VWC2L: variants seen among roughly 807,000 people sequenced by gnomAD.
The protein encoded by VWC2L is von Willebrand factor C domain-containing protein 2-like.
In VWC2L, 10 loss-of-function variants were observed where a neutral mutation model predicts 21.6. The ratio of observed to expected loss-of-function variants is 0.46; its 90% confidence interval spans 0.29 to 0.78. The LOEUF (loss-of-function observed/expected upper bound fraction) is 0.78, where lower values mean the gene tolerates loss of function less well. Ranked by LOEUF, VWC2L falls within the 30% of genes least tolerant of loss-of-function variation. VWC2L has a pLI of 0.10. For synonymous variants in VWC2L, 96 were observed against 94.3 expected (o/e 1.02, Z -0.10); for missense variants, 209 against 277.1 (o/e 0.75, Z 1.74).
At chr2:214,569,700 A>T (rs1426271601) in intron 3 of VWC2L, among the ~76,000 whole-genome samples, 1 of 152,130 alleles carries the variant, frequency 6.6e-6, no homozygotes, top group African/African-American at 2.4e-5. Flanking sequence ...AGCCTTCTAC[A>T]GCCACTCAAT....
At chr2:214,545,294 G>A (rs933203690) in intron 3 of VWC2L, among the ~76,000 whole-genome samples, 2 of 152,106 alleles carry the variant, frequency 1.3e-5, no homozygotes, top group African/African-American at 4.8e-5. Context: ...CCATTTAAAA[G>A]CCACTGTTAT....
At chr2:214,428,686 T>C (rs918526653) in intron 2 of VWC2L, among the ~76,000 whole-genome samples, 1 of 152,052 alleles carries the variant, frequency 6.6e-6, no homozygotes, top group Non-Finnish European at 1.5e-5. Context: ...ATACCAGCAG[T>C]GATAAAGCAC....
chr2:214,471,402 G>A (rs1388469387), intron 3 of VWC2L, among the ~76,000 whole-genome samples: 1 of 152,212 alleles, frequency 6.6e-6, no homozygotes, highest in African/African-American at 2.4e-5. Flanking sequence ...TTTATGCACT[G>A]TAGAATGAGT....
chr2:214,546,729 G>T (rs1318640362), intron 3 of VWC2L, among the ~76,000 whole-genome samples: 1 of 152,010 alleles, frequency 6.6e-6, no homozygotes, highest in Non-Finnish European at 1.5e-5. Context: ...ATAGAAAATT[G>T]TTTTTAGCAA....
intron 2 of VWC2L, among the ~76,000 whole-genome samples, chr2:214,428,602 A>G (rs1389961373): frequency 6.6e-6 from 1 of 152,182 alleles, no homozygotes; most frequent in Non-Finnish European, 1.5e-5. Flanking sequence ...GAGATAAGCT[A>G]TGAACTAAGC....
intron 2 of VWC2L, 132 bp from the exon 3 acceptor site, chr2:214,436,497 G>A (rs1222764233): frequency 1.8e-5 from 21 of 1,176,678 alleles, no homozygotes; most frequent in South Asian, 6.4e-5. Flanking sequence ...GAGAATGATC[G>A]TAGACATGGT....
chr2:214,546,904 A>G (rs1206182609), intron 3 of VWC2L, among the ~76,000 whole-genome samples: 1 of 152,108 alleles, frequency 6.6e-6, no homozygotes, highest in East Asian at 1.9e-4. Flanking sequence ...TAAGGACAAA[A>G]CCTACTTTCA....
At chr2:214,495,770 C>G (rs1688803563) in intron 3 of VWC2L, among the ~76,000 whole-genome samples, 1 of 152,164 alleles carries the variant, frequency 6.6e-6, no homozygotes, top group Non-Finnish European at 1.5e-5. Context: ...AACTTTCACT[C>G]TCAAGCTGTA....
chr2:214,469,549 T>C (rs1016229059), intron 3 of VWC2L, among the ~76,000 whole-genome samples: 1 of 151,976 alleles, frequency 6.6e-6, no homozygotes, highest in Admixed American at 6.6e-5. Context: ...GAGCAGACAT[T>C]GTGCCACTGC....
At chr2:214,562,149 C>T (rs998817789) in intron 3 of VWC2L, among the ~76,000 whole-genome samples, 1 of 151,958 alleles carries the variant, frequency 6.6e-6, no homozygotes, top group African/African-American at 2.4e-5. Context: ...GCTCTCCCTC[C>T]CCCAACTACA....
intron 3 of VWC2L, among the ~76,000 whole-genome samples, chr2:214,540,569 T>C (rs1239030767): frequency 6.6e-6 from 1 of 152,362 alleles, no homozygotes; most frequent in African/African-American, 2.4e-5. Context: ...CAACATCTTC[T>C]GCACCAGGAT....
intron 3 of VWC2L, among the ~76,000 whole-genome samples, chr2:214,522,333 C>G (rs1689255810): frequency 6.8e-6 from 1 of 146,828 alleles, no homozygotes; most frequent in Non-Finnish European, 1.5e-5. Flanking sequence ...CGAGATCGCG[C>G]CACTGCACTC....
rs547956801 is a variant in VWC2L at position 214,455,030 on chromosome 2, A to G, written c.520+18272A>G. Among the ~76,000 whole-genome samples the G allele has an allele frequency of 2.0e-5, 3 of 152,254 alleles. No individual in the cohort carries two copies. The East Asian group carries it at 5.8e-4, about 29-fold the overall frequency. On this transcript the variant is annotated intron_variant, in intron 3 of 3. Transcript: ENST00000312504. ...CATCTAAGCTTATGAGGCATATTAT[A>G]GTTTTCTTTTCTGTTGATGCATTTA...
intron 1 of VWC2L, among the ~76,000 whole-genome samples, chr2:214,413,862 T>C (rs577986627): frequency 1.6e-4 from 25 of 152,152 alleles, no homozygotes; most frequent in Non-Finnish European, 3.1e-4. Context: ...GCCAGACCTA[T>C]GAAATTCAGA....
At chr2:214,419,960 G>A (rs1390100999) in intron 2 of VWC2L, among the ~76,000 whole-genome samples, 1 of 152,166 alleles carries the variant, frequency 6.6e-6, no homozygotes, top group African/African-American at 2.4e-5. Flanking sequence ...TCGGGAGGCT[G>A]AGGCAGGAGA....
chr2:214,422,092 G>A (rs1240620496), intron 2 of VWC2L, among the ~76,000 whole-genome samples: 1 of 151,080 alleles, frequency 6.6e-6, no homozygotes, highest in African/African-American at 2.4e-5. Flanking sequence ...GTTTCACCGT[G>A]TTAGCCAGGA....
rs1272835922 is a variant in VWC2L at position 214,575,858 on chromosome 2, A to T, written c.*38A>T. On this transcript the variant is annotated 3_prime_UTR_variant, in exon 4 of 4. Transcript: ENST00000312504. ...CCCAATGATGAGTTCTTAGGAAAGG[A>T]TGCTATGGCTTCAACACTGCACATG... The T allele has an allele frequency of 1.3e-6, 2 of 1,591,948 alleles. No homozygotes were observed. The highest frequency in any genetic ancestry group is 2.7e-5 in the African/African-American group (2 of 74,420).
At chr2:214,497,186 T>A (rs997332832) in intron 3 of VWC2L, among the ~76,000 whole-genome samples, 2 of 142,998 alleles carry the variant, frequency 1.4e-5, no homozygotes, top group African/African-American at 2.6e-5. Context: ...GCATGTAACA[T>A]TTTTATTTGA....
chr2:214,550,794 C>T (rs1265746563), intron 3 of VWC2L, among the ~76,000 whole-genome samples: 1 of 152,194 alleles, frequency 6.6e-6, no homozygotes, highest in Non-Finnish European at 1.5e-5. Context: ...CAGTCCTTTA[C>T]ATTCTGAACA....
Sources: allele counts gnomAD v4.1 joint callset (sites outside exome capture counted in the v4.1 genomes callset), GRCh38; gene constraint gnomAD v4.1.1; transcripts MANE v1.5; gene names NCBI Gene and HGNC (gene_info 2026-07-23, HGNC 2026-07-21).